Variants in AFF2 observed in about 807,000 individuals in gnomAD.
AFF2 encodes the protein ALF transcription elongation factor 2, also known as AF4/FMR2 family member 2.
In AFF2, 14 loss-of-function variants were observed where a neutral mutation model predicts 76.9. That is an observed-to-expected ratio of 0.18 (90% CI 0.12 to 0.28). The LOEUF (loss-of-function observed/expected upper bound fraction) is 0.28. Among genes scored for constraint, AFF2 ranks in the 10% least tolerant of loss-of-function variants. AFF2 has a pLI of 1.00. For missense variants in AFF2, 868 were observed against 1,001.1 expected (o/e 0.87, Z 1.79); for synonymous variants, 398 against 366.7 (o/e 1.09, Z -0.98).
intron 3 of AFF2, among the ~76,000 whole-genome samples, chrX:148,790,151 C>T (rs781802746): frequency 5.4e-5 from 6 of 111,774 alleles, no homozygotes; most frequent in Admixed American, 2.8e-4. Context: ...CTGGTCAGAA[C>T]GGCAATTATT....
Position 148,617,902 on chromosome X carries a change from G to T in AFF2, c.48-34097G>T, listed in dbSNP as rs191233245. On this transcript the variant is annotated intron_variant, in intron 1 of 20. Transcript: ENST00000370460. ...AAAAAATGTTGCTTTCCATTGAAAG[G>T]TATCTTTCCACAAGGGAGAACATGA... 6.3e-5 allele frequency among the ~76,000 whole-genome samples: 7 copies of T among 111,933 alleles called. No homozygotes were observed. The East Asian group carries it at 2.0e-3, about 32-fold the overall frequency.
Position 148,956,086 on chromosome X carries a change from A to G in AFF2, c.2041A>G (p.Arg681Gly), listed in dbSNP as rs188332287. The stretch of plus-strand genomic sequence containing the variant: ...AGCCACTGCCCACAAACCAGCCCCT[A>G]GGAAAGAACCAAGACCTAACATCCC... The part of the protein sequence containing the change: ...NKATAHKPAP[R>G]KEPRPNIPLA... The change falls in exon 11 of 21, where the codon AGG becomes GGG. Residue 681 changes from arginine (R) to glycine (G), a missense_variant. Arg to Gly is a moderately radical substitution (Grantham distance 125, BLOSUM62 -2). Coordinates refer to ENST00000370460, the MANE Select transcript of AFF2 (RefSeq NM_002025.4). 4 of 1,208,488 alleles carry G rather than the reference A, an allele frequency of 3.3e-6. No individual in the cohort carries two copies. Among genetic ancestry groups the G allele is most frequent in the East Asian group, 3.0e-5 (1 of 33,732 alleles).
intron 3 of AFF2, among the ~76,000 whole-genome samples, chrX:148,750,789 G>A (rs2055488800): frequency 8.9e-6 from 1 of 112,046 alleles, no homozygotes; most frequent in Non-Finnish European, 1.9e-5. Context: ...CTGGAGAACT[G>A]AGTACAGTGG....
At chrX:148,507,013 A>T (rs1441255202) in intron 1 of AFF2, among the ~76,000 whole-genome samples, 1 of 112,082 alleles carries the variant, frequency 8.9e-6, no homozygotes, top group African/African-American at 3.2e-5. Context: ...ATGGTGTGTC[A>T]CCCTCTGGCA....
intron 9 of AFF2, among the ~76,000 whole-genome samples, chrX:148,950,982 G>A (rs1358221259): frequency 9.0e-6 from 1 of 111,470 alleles, no homozygotes; most frequent in African/African-American, 3.3e-5. Flanking sequence ...TCCTCTTACT[G>A]TGAATGTTAC....
At position 148,958,424 on chromosome X, in the gene AFF2, C is replaced by G. The variant is rs151043891; in HGVS notation, c.2656C>G (p.Pro886Ala). Reference sequence around the variant, plus strand: ...CTGCTTGCTCCCTCCTTGCATCTCACCAGCCCCACCCCACAAGCCTCCCAA... The same window carrying G: ...CTGCTTGCTCCCTCCTTGCATCTCAGCAGCCCCACCCCACAAGCCTCCCAA... ...TICLLPPCIS[P>A]APPHKPPNTR... is the part of the protein sequence containing the mutation. The change falls in exon 12 of 21, where the codon CCA becomes GCA. Residue 886 changes from proline to alanine, a missense_variant. Physicochemically the swap from Pro to Ala is conservative, Grantham distance 27. Transcript: ENST00000370460. 1.6e-3 allele frequency: 1,927 copies of G among 1,209,004 alleles called. 3 individuals carry two copies. Among genetic ancestry groups the G allele is most frequent in the Non-Finnish European group, 1.9e-3 (1,709 of 894,776 alleles).
intron 3 of AFF2, among the ~76,000 whole-genome samples, chrX:148,696,816 C>G (rs1385003497): frequency 1.8e-5 from 2 of 111,683 alleles, no homozygotes; most frequent in Non-Finnish European, 3.8e-5. Context: ...AACCAACACT[C>G]TCTGAACCCT....
intron 3 of AFF2, among the ~76,000 whole-genome samples, chrX:148,688,193 ACTGCTGAACCC>A (rs1317171302): frequency 9.0e-6 from 1 of 111,107 alleles, no homozygotes; most frequent in Non-Finnish European, 1.9e-5. Flanking sequence ...CTGGCCCCAC[ACTGCTGAACCC>A]CTGCCTTTTC....
At position 148,781,405 on chromosome X, in the gene AFF2, C is replaced by G. The variant is rs1178815381; in HGVS notation, c.1042-28471C>G. 2.7e-5 allele frequency among the ~76,000 whole-genome samples: 3 copies of G among 112,458 alleles called. No individual in the cohort carries two copies. In the East Asian group the frequency reaches 8.4e-4, roughly 32 times the overall value. ...ACCCCTGATTGGGGCTTTTGCCTTT[C>G]TTTTAGAGATCCCCTGCCCAGAGAG... On this transcript the variant is annotated intron_variant, in intron 3 of 20. Transcript: ENST00000370460.
At chrX:148,853,036 G>A (rs1004479405) in intron 7 of AFF2, among the ~76,000 whole-genome samples, 7 of 111,465 alleles carry the variant, frequency 6.3e-5, no homozygotes, top group Non-Finnish European at 1.1e-4. Context: ...GTTGTTGAGG[G>A]AGATGAAATT....
intron 1 of AFF2, among the ~76,000 whole-genome samples, chrX:148,636,028 TA>T (rs2054027350): frequency 2.7e-5 from 3 of 110,326 alleles, no homozygotes; most frequent in Admixed American, 1.9e-4. Context: ...TATATATATA[TA>T]TATTTTTTTC....
chrX:148,650,490 T>C (rs1415127162), intron 1 of AFF2, among the ~76,000 whole-genome samples: 1 of 112,068 alleles, frequency 8.9e-6, no homozygotes, highest in Non-Finnish European at 1.9e-5. Flanking sequence ...TAACATTTGC[T>C]GAATATACTC....
chrX:148,904,917 T>A (rs2071391829), intron 9 of AFF2, among the ~76,000 whole-genome samples: 1 of 112,151 alleles, frequency 8.9e-6, no homozygotes, highest in Admixed American at 9.4e-5. Flanking sequence ...GTCATTTGGT[T>A]TGTAACATCT....
At chrX:148,664,963 A>G (rs1393227873) in intron 3 of AFF2, among the ~76,000 whole-genome samples, 2 of 112,281 alleles carry the variant, frequency 1.8e-5, no homozygotes, top group Non-Finnish European at 3.8e-5. Context: ...TAAAAATCAA[A>G]AAAGAGATCT....
intron 4 of AFF2, among the ~76,000 whole-genome samples, chrX:148,812,225 C>T (rs782488211): frequency 5.4e-5 from 6 of 111,622 alleles, no homozygotes; most frequent in Admixed American, 2.9e-4. Flanking sequence ...AGGCCTGTGA[C>T]GGGTTCCGCA....
In AFF2 at chrX:148,958,662, G is replaced by T. The variant is rs782319890; in HGVS notation, c.2690+204G>T. On this transcript the variant is annotated intron_variant, in intron 12 of 20. Transcript: ENST00000370460. ...GGTAGAACATATGCTGCCAGAATTG[G>T]GGTGACTCCATGAGCTTTTAGCAAC... 2.1e-4 allele frequency among the ~76,000 whole-genome samples: 24 copies of T among 111,683 alleles called. No homozygotes were observed. In the South Asian group the frequency reaches 5.3e-3, roughly 25 times the overall value.
At chrX:148,803,927 A>C (rs2070093254) in intron 3 of AFF2, among the ~76,000 whole-genome samples, 1 of 111,141 alleles carries the variant, frequency 9.0e-6, no homozygotes, top group Admixed American at 9.6e-5. Context: ...GAGAGCCAGC[A>C]GATGGAAAAG....
intron 3 of AFF2, among the ~76,000 whole-genome samples, chrX:148,736,050 C>T (rs1311073482): frequency 1.8e-5 from 2 of 112,108 alleles, no homozygotes; most frequent in African/African-American, 3.2e-5. Flanking sequence ...CATGATTTTG[C>T]AATTGTAAAT....
intron 4 of AFF2, among the ~76,000 whole-genome samples, chrX:148,820,055 T>C (rs1435776211): frequency 2.7e-5 from 3 of 111,819 alleles, no homozygotes; most frequent in Non-Finnish European, 5.6e-5. Context: ...AATAGCATAA[T>C]GTGAATCTTC....
Sources: allele counts gnomAD v4.1 joint callset (sites outside exome capture counted in the v4.1 genomes callset), GRCh38; gene constraint gnomAD v4.1.1; transcripts MANE v1.5; gene names NCBI Gene and HGNC (gene_info 2026-07-23, HGNC 2026-07-21).